OTOGL: variants seen among roughly 807,000 people sequenced by gnomAD.
The protein encoded by OTOGL is otogelin-like protein.
OTOGL carries 285 observed loss-of-function variants against 318.5 expected under a neutral mutation model. That is an observed-to-expected ratio of 0.89 (90% CI 0.81 to 0.99). OTOGL has a LOEUF of 0.99. OTOGL is among the 50% of genes least tolerant of loss of function. The pLI is 0.00. For missense variants in OTOGL, 2,899 were observed against 2,845.6 expected, an observed-to-expected ratio of 1.02 and a Z score of -0.43; for synonymous variants, 987 against 936.5, an observed-to-expected ratio of 1.05 and a Z score of -0.99.
At chr12:80,297,039 A>C (rs376963219) in intron 27 of OTOGL, 78 bp downstream of exon 27, 1 of 1,276,160 alleles carries the variant, frequency 7.8e-7, no homozygotes, top group Non-Finnish European at 1.0e-6. Flanking sequence ...GATTTGGTCT[A>C]CTCCTCTCTG....
At chr12:80,141,916 C>G (rs1323883665) in intron 1 of OTOGL, among the ~76,000 whole-genome samples, 2 of 151,986 alleles carry the variant, frequency 1.3e-5, no homozygotes, top group African/African-American at 2.4e-5. Context: ...AGAGAGTACC[C>G]TCATGGCCAC....
chr12:80,116,699 C>A (rs541489178), intron 1 of OTOGL, among the ~76,000 whole-genome samples: 2 of 152,032 alleles, frequency 1.3e-5, no homozygotes, highest in South Asian at 2.1e-4. Flanking sequence ...GAGAATGAGA[C>A]GAGGAAGAAA....
chr12:80,224,482 T>C (rs1437786486), intron 7 of OTOGL, among the ~76,000 whole-genome samples: 2 of 152,130 alleles, frequency 1.3e-5, no homozygotes, highest in Non-Finnish European at 2.9e-5. Context: ...GGGAATTGCA[T>C]TGAATTTGTA....
chr12:80,155,823 C>T (rs1873078583), intron 1 of OTOGL, among the ~76,000 whole-genome samples: 1 of 152,072 alleles, frequency 6.6e-6, no homozygotes, highest in African/African-American at 2.4e-5. Context: ...TCCATGAGTT[C>T]AATTGTGTTG....
At chr12:80,115,435 C>T (rs1026077121) in intron 1 of OTOGL, among the ~76,000 whole-genome samples, 3 of 152,188 alleles carry the variant, frequency 2.0e-5, no homozygotes, top group Non-Finnish European at 4.4e-5. Context: ...GGCTGCATAA[C>T]AGCAAAGATT....
chr12:80,257,775 A>G (rs1268089259), intron 17 of OTOGL, 50 bp from the exon 18 acceptor site: 1 of 1,408,482 alleles, frequency 7.1e-7, no homozygotes, highest in Admixed American at 2.4e-5. Context: ...GCATTTCAGA[A>G]CACCGTCTAT....
rs759111175 is a variant in OTOGL at position 80,336,029 on chromosome 12, T to C, written c.4489T>C (p.Tyr1497His). Reference protein sequence around the residue: ...YICLNMEWQLYNWSLNCPKDV... With the variant: ...YICLNMEWQLHNWSLNCPKDV... ...ATGCCTTAATATGGAATGGCAGTTA[T>C]ACAACTGGTCCCTTAATTGCCCAAA... Residue 1497 changes from tyrosine (Y) to histidine (H), a missense_variant, in exon 39 of 59, where the codon TAC (tyrosine) becomes CAC (histidine). Transcript: ENST00000547103. 27 of 1,598,662 alleles carry C rather than the reference T, an allele frequency of 1.7e-5. No homozygotes were observed. Among genetic ancestry groups the C allele is most frequent in the Non-Finnish European group, 2.2e-5 (26 of 1,179,362 alleles).
At chr12:80,237,218 G>T (rs1879947207) in intron 9 of OTOGL, among the ~76,000 whole-genome samples, 1 of 152,128 alleles carries the variant, frequency 6.6e-6, no homozygotes, top group African/African-American at 2.4e-5. Context: ...CCTACTATAT[G>T]CCAGATACTA....
chr12:80,106,028 AC>A (rs1869435504), intron 1 of OTOGL, among the ~76,000 whole-genome samples: 2 of 152,340 alleles, frequency 1.3e-5, no homozygotes, highest in South Asian at 4.1e-4. Flanking sequence ...ATCACTAAAA[AC>A]AAAAAGGAAT....
At chr12:80,196,099 G>T (rs1876047613) in intron 1 of OTOGL, among the ~76,000 whole-genome samples, 1 of 152,150 alleles carries the variant, frequency 6.6e-6, no homozygotes, top group Non-Finnish European at 1.5e-5. Context: ...TAAGTGAGTG[G>T]GGTCTGGAGG....
At chr12:80,319,129 A>T (rs745322557) in intron 33 of OTOGL, among the ~76,000 whole-genome samples, 2 of 152,188 alleles carry the variant, frequency 1.3e-5, no homozygotes, top group African/African-American at 4.8e-5. Context: ...CAGAGTGTAG[A>T]CAGTCATTGT....
Position 80,380,648 on chromosome 12 carries a change from A to T in OTOGL, c.*2600A>T, listed in dbSNP as rs1192239521. On this transcript the variant is annotated 3_prime_UTR_variant, in exon 59 of 59. Coordinates refer to ENST00000547103, the MANE Select transcript of OTOGL (RefSeq NM_001378609.3). ...TTTTATTTTTTAAGGCTCTGGGAAG[A>T]TAAGCACTCTCACATGTCATTGATG... 1 of 152,108 alleles carries T rather than the reference A, an allele frequency of 6.6e-6. No individual in the cohort carries two copies. The highest frequency in any genetic ancestry group is 1.5e-5 in the Non-Finnish European group (1 of 67,956). 9.4% of individuals were successfully genotyped at this position (152,108 alleles called of 1,614,324 possible). A position where few individuals can be genotyped will look rare whatever the true frequency, so the allele number is the denominator to read the frequency against.
intron 11 of OTOGL, among the ~76,000 whole-genome samples, chr12:80,240,338 C>T (rs866667301): frequency 2.6e-5 from 4 of 151,896 alleles, no homozygotes; most frequent in African/African-American, 7.2e-5. Flanking sequence ...ATTTTTATGC[C>T]GTGAATCCCT....
chr12:80,179,284 G>T (rs140087405), intron 1 of OTOGL, among the ~76,000 whole-genome samples: 3 of 152,218 alleles, frequency 2.0e-5, no homozygotes, highest in African/African-American at 7.2e-5. Context: ...AATAGAGTCA[G>T]GCTCTTAATT....
At chr12:80,216,445 A>G (rs1001868536) in intron 4 of OTOGL, among the ~76,000 whole-genome samples, 2 of 152,190 alleles carry the variant, frequency 1.3e-5, no homozygotes, top group African/African-American at 4.8e-5. Context: ...CTCAATTGGT[A>G]TGGAGTTGGA....
chr12:80,273,102 C>T (rs1389884895), intron 24 of OTOGL, among the ~76,000 whole-genome samples: 1 of 152,012 alleles, frequency 6.6e-6, no homozygotes, highest in African/African-American at 2.4e-5. Flanking sequence ...TTTAGTTGGA[C>T]AGTGATTTAT....
intron 44 of OTOGL, among the ~76,000 whole-genome samples, chr12:80,345,348 G>C (rs1182662627): frequency 6.6e-6 from 1 of 150,828 alleles, no homozygotes; most frequent in Non-Finnish European, 1.5e-5. Flanking sequence ...TGATTCTCCT[G>C]CCTCAGCCTC....
chr12:80,273,427 T>C (rs917575366), intron 24 of OTOGL, among the ~76,000 whole-genome samples: 13 of 151,962 alleles, frequency 8.6e-5, no homozygotes, highest in African/African-American at 3.1e-4. Context: ...ATTGAAGAAA[T>C]GGAGAATAGT....
In OTOGL at chr12:80,114,190, G is replaced by A. The variant is rs183002757; in HGVS notation, c.-20+14585G>A. On this transcript the variant is annotated intron_variant, in intron 1 of 58. Coordinates refer to ENST00000547103, the MANE Select transcript of OTOGL (RefSeq NM_001378609.3). ...CTGGTTATTGTGCCCGTTAGTTGAT[G>A]TAGTTTCTTCATAGTGTCAATGGCC... Among the ~76,000 whole-genome samples, 154 of 152,302 alleles carry A rather than the reference G, an allele frequency of 1.0e-3. 1 individual carries two copies. Among genetic ancestry groups the A allele is most frequent in the African/African-American group, 3.6e-3 (149 of 41,566 alleles).
Sources: allele counts gnomAD v4.1 joint callset (sites outside exome capture counted in the v4.1 genomes callset), GRCh38; gene constraint gnomAD v4.1.1; transcripts MANE v1.5; gene names NCBI Gene and HGNC (gene_info 2026-07-23, HGNC 2026-07-21).